CPNE9: variants seen among roughly 807,000 people sequenced by gnomAD.
CPNE9 encodes the protein copine-9.
CPNE9 carries 59 observed loss-of-function variants against 83.0 expected under a neutral mutation model. That is an observed-to-expected ratio of 0.71 (90% confidence interval 0.58 to 0.88). The LOEUF (loss-of-function observed/expected upper bound fraction) is 0.88. Among genes scored for constraint, CPNE9 ranks in the 40% least tolerant of loss-of-function variants. The pLI is 0.00. For synonymous variants in CPNE9, 256 were observed against 273.4 expected, an observed-to-expected ratio of 0.94 and a Z score of 0.63; for missense variants, 619 against 720.8, an observed-to-expected ratio of 0.86 and a Z score of 1.62.
intron 20 of CPNE9, 36 bp downstream of exon 20, chr3:9,727,222 G>A (rs1413312939): frequency 6.2e-7 from 1 of 1,611,214 alleles, no homozygotes; most frequent in Non-Finnish European, 8.5e-7. Flanking sequence ...GGAGCTGAGA[G>A]GCACAGTGAG....
At chr3:9,721,503 A>C (rs1337667394) in intron 17 of CPNE9, among the ~76,000 whole-genome samples, 1 of 152,174 alleles carries the variant, frequency 6.6e-6, no homozygotes, top group East Asian at 1.9e-4. Context: ...ACCCACTTAG[A>C]GGAGCAGACA....
intron 20 of CPNE9, among the ~76,000 whole-genome samples, chr3:9,728,831 A>C (rs2076805709): frequency 2.7e-5 from 4 of 145,762 alleles, no homozygotes; most frequent in South Asian, 2.2e-4. Context: ...CTTCTCACAG[A>C]CTCCTCCTCC....
At chr3:9,705,072 G>T (rs566627718) in intron 4 of CPNE9, 78 bp downstream of exon 4, 1 of 994,288 alleles carries the variant, frequency 1.0e-6, no homozygotes, top group South Asian at 1.4e-5. Flanking sequence ...CCCCACCCCC[G>T]CCTCGCCTCC....
chr3:9,723,863 C>T (rs2076753797), intron 17 of CPNE9, among the ~76,000 whole-genome samples: 1 of 152,178 alleles, frequency 6.6e-6, no homozygotes, highest in Non-Finnish European at 1.5e-5. Flanking sequence ...TTTTATAATT[C>T]TACACCCTCT....
chr3:9,726,573 C>T, intron 18 of CPNE9, 92 bp from the exon 19 acceptor site: 1 of 975,730 alleles, frequency 1.0e-6, no homozygotes, highest in South Asian at 1.4e-5. Context: ...ATGTGCAGAA[C>T]CATGACACAC....
rs2076529811 is a variant in CPNE9, at chr3:9,703,871, G to A, written c.-126G>A. ...GAGCGGCTGGAGCGCACGCAGGGCT[G>A]GAGCGAGTGCAGCCGCCGCCGCCGC... On this transcript the variant is annotated 5_prime_UTR_variant, in exon 1 of 21. Coordinates refer to ENST00000383832, the MANE Select transcript of CPNE9 (RefSeq NM_153635.3). The A allele has an allele frequency of 1.4e-6, 1 of 707,540 alleles. No individual in the cohort carries two copies. Among genetic ancestry groups the A allele is most frequent in the Non-Finnish European group, 2.1e-6 (1 of 465,610 alleles). 43.8% of individuals were successfully genotyped at this position (707,540 alleles called of 1,614,324 possible). A position where few individuals can be genotyped will look rare whatever the true frequency, so the allele number is the denominator to read the frequency against.
At chr3:9,715,174 C>G (rs2076669679) in intron 11 of CPNE9, 115 bp from the exon 12 acceptor site, 1 of 1,201,264 alleles carries the variant, frequency 8.3e-7, no homozygotes, top group South Asian at 1.3e-5. Context: ...GGCCCCAGCA[C>G]TAGGCTGCCC....
chr3:9,728,205 G>A (rs2076800493), intron 20 of CPNE9, among the ~76,000 whole-genome samples: 1 of 152,206 alleles, frequency 6.6e-6, no homozygotes, highest in African/African-American at 2.4e-5. Flanking sequence ...GTCAGGGATG[G>A]GCCCAAGCAT....
intron 15 of CPNE9, among the ~76,000 whole-genome samples, chr3:9,717,575 G>T (rs751453528): frequency 6.6e-6 from 1 of 152,204 alleles, no homozygotes; most frequent in African/African-American, 2.4e-5. Context: ...ACAAGGGAAT[G>T]AATGGAATGG....
intron 17 of CPNE9, among the ~76,000 whole-genome samples, chr3:9,718,948 T>C (rs140316687): frequency 0.061 from 9,248 of 150,796 alleles, 402 homozygotes; most frequent in Admixed American, 0.14. Flanking sequence ...GCAATTCTCC[T>C]GCCTCAGCCT....
At chr3:9,711,150 C>T (rs978005639) in intron 7 of CPNE9, among the ~76,000 whole-genome samples, 1 of 152,132 alleles carries the variant, frequency 6.6e-6, no homozygotes, top group Non-Finnish European at 1.5e-5. Flanking sequence ...AGGCAAAGAA[C>T]AGTGAGGAGG....
chr3:9,717,002 T>C (rs1322043520), intron 14 of CPNE9, 56 bp from the exon 15 acceptor site: 13 of 1,540,422 alleles, frequency 8.4e-6, no homozygotes, highest in Admixed American at 1.7e-5. Context: ...GTTTGAGAAA[T>C]AGTGATGTAA....
At chr3:9,705,047 C>G (rs1313515188) in intron 4 of CPNE9, 53 bp downstream of exon 4, 3 of 1,363,226 alleles carry the variant, frequency 2.2e-6, no homozygotes, top group South Asian at 1.2e-5. Context: ...TGGATCCGCC[C>G]GGAATTCTGG....
intron 17 of CPNE9, among the ~76,000 whole-genome samples, chr3:9,723,128 G>T (rs1053477921): frequency 6.6e-6 from 1 of 152,228 alleles, no homozygotes; most frequent in South Asian, 2.1e-4. Context: ...TACCAAGCCA[G>T]GTCTCTGAGG....
chr3:9,705,677 T>C, intron 5 of CPNE9, 41 bp from the exon 6 acceptor site: 27 of 1,613,564 alleles, frequency 1.7e-5, no homozygotes, highest in Non-Finnish European at 2.3e-5. Context: ...CCCTACTCAC[T>C]GTTCCTCTTC....
rs1340713443 is a variant in CPNE9, at chr3:9,714,897, T to C, written c.651-17T>C. The C allele has an allele frequency of 3.1e-6, 5 of 1,611,874 alleles. No individual in the cohort carries two copies. The Admixed American group carries it at 6.7e-5, about 22-fold the overall frequency. Reference sequence around the variant, plus strand: ...TTATCATACACACCTAGGGTATGTTTATCTCCTACATTTCAGAACGGTGAA... The same window carrying C: ...TTATCATACACACCTAGGGTATGTTCATCTCCTACATTTCAGAACGGTGAA... On this transcript the variant is annotated splice_polypyrimidine_tract_variant and intron_variant, in intron 10 of 20. Coordinates refer to ENST00000383832, the MANE Select transcript of CPNE9 (RefSeq NM_153635.3).
intron 20 of CPNE9, among the ~76,000 whole-genome samples, chr3:9,727,714 T>C (rs1267119524): frequency 6.6e-6 from 1 of 151,556 alleles, no homozygotes; most frequent in Non-Finnish European, 1.5e-5. Flanking sequence ...AATTTGGGGG[T>C]ATGTTAGAAT....
chr3:9,729,121 A>G (rs2076808244), intron 20 of CPNE9, among the ~76,000 whole-genome samples: 1 of 152,236 alleles, frequency 6.6e-6, no homozygotes, highest in Admixed American at 6.5e-5. Context: ...GCAAGAAGCC[A>G]GAAGAGTGTG....
intron 15 of CPNE9, among the ~76,000 whole-genome samples, 188 bp from the exon 16 acceptor site, chr3:9,717,841 T>C (rs557522248): frequency 6.6e-6 from 1 of 151,942 alleles, no homozygotes; most frequent in Admixed American, 6.6e-5. Context: ...AATGGATGAA[T>C]AGATATAGGG....
Sources: gnomAD v4.1 joint callset for allele counts (sites outside exome capture counted in the v4.1 genomes callset) on GRCh38, gnomAD v4.1.1 for gene constraint, MANE v1.5 for transcripts, NCBI Gene and HGNC (gene_info 2026-07-23, HGNC 2026-07-21) for gene names.